The following NEK11 variants were observed in gnomAD, a reference collection of about 807,000 sequenced individuals.
NEK11 encodes the protein NIMA related kinase 11.
NEK11 carries 72 observed loss-of-function variants against 80.7 expected under a neutral mutation model. The observed-to-expected ratio is 0.89, with a 90% CI of 0.74 to 1.08. The LOEUF (loss-of-function observed/expected upper bound fraction) is 1.08. Ranked by LOEUF, NEK11 falls within the 50% of genes least tolerant of loss-of-function variation. The pLI is 0.00. For missense variants in NEK11, 764 were observed against 763.6 expected, an observed-to-expected ratio of 1.00 and a Z score of -0.01; for synonymous variants, 251 against 260.7, an observed-to-expected ratio of 0.96 and a Z score of 0.36.
intron 7 of NEK11, among the ~76,000 whole-genome samples, chr3:131,140,371 C>T (rs1357883910): frequency 2.6e-5 from 4 of 152,108 alleles, no homozygotes; most frequent in African/African-American, 4.8e-5. Context: ...AGCTGATAGC[C>T]AGCATCAGTT....
chr3:131,173,327 G>A (rs752392664), intron 14 of NEK11, among the ~76,000 whole-genome samples: 4 of 152,068 alleles, frequency 2.6e-5, no homozygotes, highest in Non-Finnish European at 4.4e-5. Context: ...AGAAAGTTAG[G>A]CAATATGTAG....
intron 16 of NEK11, among the ~76,000 whole-genome samples, chr3:131,264,781 T>C (rs1269775419): frequency 6.6e-5 from 10 of 152,200 alleles, no homozygotes; most frequent in African/African-American, 1.7e-4. Context: ...GGGGATGGCA[T>C]TGAATCTATA....
At chr3:131,255,739 A>T (rs2095804002) in intron 16 of NEK11, among the ~76,000 whole-genome samples, 1 of 152,192 alleles carries the variant, frequency 6.6e-6, no homozygotes, top group Non-Finnish European at 1.5e-5. Flanking sequence ...TGTATGCCAT[A>T]CTATGTGTTG....
chr3:131,136,250 CAA>C (rs1163092830), intron 7 of NEK11, among the ~76,000 whole-genome samples: 4 of 152,116 alleles, frequency 2.6e-5, no homozygotes, highest in African/African-American at 9.7e-5. Context: ...GTATCAGAAT[CAA>C]AGTGGGCTTA....
chr3:131,219,574 A>T (rs1384633170), intron 14 of NEK11, among the ~76,000 whole-genome samples: 1 of 151,938 alleles, frequency 6.6e-6, no homozygotes, highest in South Asian at 2.1e-4. Context: ...AAAAAGAGGA[A>T]TAAGAGATTA....
intron 17 of NEK11, among the ~76,000 whole-genome samples, chr3:131,340,779 C>A (rs1006383390): frequency 1.3e-5 from 2 of 152,060 alleles, no homozygotes; most frequent in Admixed American, 6.6e-5. Flanking sequence ...CCCTATTTGT[C>A]CCCAACTGCC....
chr3:131,072,170 G>T (rs2073476798), intron 3 of NEK11: 2 of 152,162 alleles, frequency 1.3e-5, no homozygotes, highest in Non-Finnish European at 2.9e-5. Flanking sequence ...GAGCAATTCT[G>T]GTTTGACTAA....
intron 17 of NEK11, among the ~76,000 whole-genome samples, chr3:131,288,450 C>CTTTCTTTCTTTCTTTTTTTTTTTTTT (rs536834704): frequency 8.7e-6 from 1 of 115,384 alleles, no homozygotes; most frequent in Non-Finnish European, 1.8e-5. Context: ...TTCTTTCTTT[C>CTTTCTTTCTTTCTTTTTTTTTTTTTT]TTTTTTTTTT....
At chr3:131,344,944 G>A (rs1283429452) in intron 17 of NEK11, among the ~76,000 whole-genome samples, 1 of 152,018 alleles carries the variant, frequency 6.6e-6, no homozygotes, top group Non-Finnish European at 1.5e-5. Flanking sequence ...ATTTGCACAG[G>A]GACAGATATC....
intron 7 of NEK11, 63 bp from the exon 8 acceptor site, chr3:131,152,325 A>C: frequency 6.9e-7 from 1 of 1,455,660 alleles, no homozygotes; most frequent in Non-Finnish European, 9.3e-7. Context: ...GAGGTTTTGT[A>C]TGATGAAAAA....
At chr3:131,034,291 A>G (rs1296449153) in intron 3 of NEK11, among the ~76,000 whole-genome samples, 1 of 152,222 alleles carries the variant, frequency 6.6e-6, no homozygotes, top group African/African-American at 2.4e-5. Flanking sequence ...GTTGGTTATA[A>G]TGATTTTTAA....
chr3:131,264,730 T>A (rs924738673), intron 16 of NEK11, among the ~76,000 whole-genome samples: 15 of 152,060 alleles, frequency 9.9e-5, no homozygotes, highest in South Asian at 8.3e-4. Context: ...TTTAAAGTAG[T>A]TTTTTTCCAA....
chr3:131,344,895 GC>G (rs2097339095), intron 17 of NEK11, among the ~76,000 whole-genome samples: 1 of 152,050 alleles, frequency 6.6e-6, no homozygotes, highest in Non-Finnish European at 1.5e-5. Context: ...CTACCACCAG[GC>G]CCCACCGCCA....
At chr3:131,299,845 C>T (rs964605364) in intron 17 of NEK11, among the ~76,000 whole-genome samples, 20 of 152,106 alleles carry the variant, frequency 1.3e-4, no homozygotes, top group Admixed American at 1.2e-3. Context: ...ACATGTGTTG[C>T]ACTTGTCTTT....
intron 17 of NEK11, chr3:131,330,928 G>GT (rs888014758): frequency 1.5e-5 from 2 of 135,238 alleles, no homozygotes; most frequent in African/African-American, 5.5e-5. Flanking sequence ...GAGAAGGAAG[G>GT]GGGGGGGGCA....
chr3:131,274,631 AC>A (rs2096261889), intron 17 of NEK11, among the ~76,000 whole-genome samples: 1 of 56,948 alleles, frequency 1.8e-5, no homozygotes, highest in South Asian at 6.1e-4. Flanking sequence ...TTGTTTCCTG[AC>A]TTTTTTTTTT....
intron 5 of NEK11, among the ~76,000 whole-genome samples, chr3:131,111,020 A>C (rs574920785): frequency 1.3e-5 from 2 of 152,324 alleles, no homozygotes; most frequent in Admixed American, 1.3e-4. Context: ...TTCTGTGTAC[A>C]TACATTTATA....
At chr3:131,180,235 TAC>T (rs2093272113) in intron 14 of NEK11, among the ~76,000 whole-genome samples, 1 of 152,210 alleles carries the variant, frequency 6.6e-6, no homozygotes, top group Non-Finnish European at 1.5e-5. Context: ...GCCTGGGAAG[TAC>T]AGTCTTTCCT....
At chr3:131,084,460 A>G (rs1318956778) in intron 4 of NEK11, among the ~76,000 whole-genome samples, 1 of 152,214 alleles carries the variant, frequency 6.6e-6, no homozygotes, top group Non-Finnish European at 1.5e-5. Context: ...CTGTGCTGAT[A>G]TACCTAACAA....
Sources: gnomAD v4.1 joint callset for allele counts (sites outside exome capture counted in the v4.1 genomes callset) on GRCh38, gnomAD v4.1.1 for gene constraint, MANE v1.5 for transcripts, NCBI Gene and HGNC (gene_info 2026-07-23, HGNC 2026-07-21) for gene names.